RALGAPA1: variants seen among roughly 807,000 people sequenced by gnomAD.
RALGAPA1 encodes the protein Ral GTPase activating protein catalytic subunit alpha 1.
A neutral mutation model predicts 269.6 loss-of-function variants in RALGAPA1; 52 were observed. That is an observed-to-expected ratio of 0.19 (90% CI 0.15 to 0.24). RALGAPA1 has a LOEUF of 0.24. Among genes scored for constraint, RALGAPA1 ranks in the 10% least tolerant of loss-of-function variants. The probability of loss-of-function intolerance (pLI) is 1.00; values close to 1 mark genes in which losing one functional copy is unlikely to be tolerated. For missense variants in RALGAPA1, 1,917 were observed against 3,013.9 expected (o/e 0.64, Z 8.52); for synonymous variants, 817 against 1,008.3 (o/e 0.81, Z 3.60).
chr14:35,667,329 C>A (rs1050560024), intron 26 of RALGAPA1, among the ~76,000 whole-genome samples: 3 of 152,080 alleles, frequency 2.0e-5, no homozygotes, highest in African/African-American at 7.2e-5. Flanking sequence ...ACCCGGGAGG[C>A]GGAAGTTACA....
In RALGAPA1 at chr14:35,600,221, T is replaced by C. The variant is rs185354313; in HGVS notation, c.7054-4432A>G. On this transcript the variant is annotated intron_variant, in intron 36 of 41. Transcript: ENST00000680220. ...TTCTTTTCTTTTCCTTTTTTTTCTT[T>C]TTCTTTTTTTCTTTTTTTTTTTTTT... is the stretch of plus-strand genomic sequence containing the variant. 4.7e-3 allele frequency among the ~76,000 whole-genome samples: 589 copies of C among 124,096 alleles called. 2 individuals are homozygous for C. Among genetic ancestry groups the C allele is most frequent in the Non-Finnish European group, 6.8e-3 (442 of 64,914 alleles). The allele number at this position is 124,096 out of a possible 152,430, so 81.4% of individuals were successfully genotyped here.
chr14:35,628,229 T>C (rs2139629399), intron 33 of RALGAPA1, among the ~76,000 whole-genome samples: 1 of 152,262 alleles, frequency 6.6e-6, no homozygotes, highest in South Asian at 2.1e-4. Context: ...GTATTATAAA[T>C]CAATCATGAA....
At chr14:35,587,211 A>G (rs1345534829) in intron 37 of RALGAPA1, among the ~76,000 whole-genome samples, 3 of 152,144 alleles carry the variant, frequency 2.0e-5, no homozygotes, top group East Asian at 1.9e-4. Context: ...GTGTCCAGGA[A>G]TTTATCCATT....
intron 26 of RALGAPA1, among the ~76,000 whole-genome samples, chr14:35,665,020 AC>A (rs1434958070): frequency 1.3e-5 from 2 of 152,214 alleles, no homozygotes; most frequent in Non-Finnish European, 2.9e-5. Flanking sequence ...GACTGTAAAA[AC>A]AAATATACCT....
At chr14:35,751,829 A>G (rs1396366307) in intron 8 of RALGAPA1, among the ~76,000 whole-genome samples, 195 bp downstream of exon 8, 1 of 150,438 alleles carries the variant, frequency 6.6e-6, no homozygotes, top group African/African-American at 2.5e-5. Context: ...AAACAAAAAA[A>G]GAAAAACTCA....
intron 10 of RALGAPA1, among the ~76,000 whole-genome samples, chr14:35,745,861 G>T (rs1251687761): frequency 6.6e-6 from 1 of 151,732 alleles, no homozygotes; most frequent in Non-Finnish European, 1.5e-5. Context: ...GACGAGAGAG[G>T]ATGGCTTTAG....
intron 4 of RALGAPA1, among the ~76,000 whole-genome samples, chr14:35,764,902 T>C (rs754098993): frequency 6.6e-5 from 10 of 152,174 alleles, no homozygotes; most frequent in Non-Finnish European, 1.3e-4. Context: ...ATGTGTTCTT[T>C]GTATGTCTAA....
chr14:35,714,221 A>C (rs898281969), intron 16 of RALGAPA1, among the ~76,000 whole-genome samples: 1 of 152,210 alleles, frequency 6.6e-6, no homozygotes, highest in African/African-American at 2.4e-5. Context: ...TGTTTTTCAA[A>C]GTAGCCGTAC....
intron 30 of RALGAPA1, among the ~76,000 whole-genome samples, chr14:35,652,566 A>G (rs1320615820): frequency 2.6e-5 from 4 of 151,960 alleles, no homozygotes; most frequent in African/African-American, 9.7e-5. Flanking sequence ...CACCACGCCC[A>G]GCTAATTTTT....
chr14:35,655,766 C>A (rs1200146233), intron 29 of RALGAPA1, 41 bp downstream of exon 29: 2 of 1,578,188 alleles, frequency 1.3e-6, no homozygotes, highest in Admixed American at 1.9e-5. Flanking sequence ...AATATGCATT[C>A]TCTCCTATCT....
At chr14:35,683,700 T>C in intron 21 of RALGAPA1, 109 bp downstream of exon 21, 1 of 817,616 alleles carries the variant, frequency 1.2e-6, no homozygotes, top group Middle Eastern at 3.9e-4. Flanking sequence ...AATGAAAAAA[T>C]ATACTTAAAT....
rs1201089468 is a variant in RALGAPA1 at position 35,548,519 on chromosome 14, C to T, written c.*12G>A. The stretch of plus-strand genomic sequence containing the variant: ...ACACTTTGTCTTACCTTCAGATAAA[C>T]AGAACTGATATTTAATGATCTAAAG... On this transcript the variant is annotated 3_prime_UTR_variant, in exon 41 of 42. Coordinates refer to ENST00000680220, the MANE Select transcript of RALGAPA1 (RefSeq NM_001346249.2). The T allele has an allele frequency of 1.3e-6, 2 of 1,575,956 alleles. No individual in the cohort carries two copies. The highest frequency in any genetic ancestry group is 1.2e-5 in the South Asian group (1 of 86,256).
At chr14:35,613,471 C>CA (rs1392696016) in intron 35 of RALGAPA1, among the ~76,000 whole-genome samples, 13 of 152,158 alleles carry the variant, frequency 8.5e-5, no homozygotes, top group African/African-American at 3.1e-4. Flanking sequence ...TTGCTTTCAA[C>CA]AAAAAATATT....
chr14:35,625,247 G>T, intron 35 of RALGAPA1, 114 bp downstream of exon 35: 9 of 546,672 alleles, frequency 1.6e-5, no homozygotes, highest in East Asian at 9.6e-5. Context: ...TGCTCAGAAA[G>T]TTATAAATCA....
chr14:35,702,386 T>C (rs2067426674), intron 16 of RALGAPA1, among the ~76,000 whole-genome samples: 1 of 152,178 alleles, frequency 6.6e-6, no homozygotes, highest in Non-Finnish European at 1.5e-5. Context: ...GTAAAAAATA[T>C]AGAAGCATGG....
At chr14:35,583,478 A>T (rs1321944752) in intron 37 of RALGAPA1, among the ~76,000 whole-genome samples, 1 of 152,200 alleles carries the variant, frequency 6.6e-6, no homozygotes, top group Admixed American at 6.5e-5. Flanking sequence ...ACCATGAAAG[A>T]TGTAAATACA....
At chr14:35,769,106 A>G (rs2074422838) in intron 4 of RALGAPA1, among the ~76,000 whole-genome samples, 1 of 147,142 alleles carries the variant, frequency 6.8e-6, no homozygotes, top group South Asian at 2.1e-4. Context: ...GGAAAACAAG[A>G]AAATAGAAAG....
chr14:35,635,984 T>C (rs565460052), intron 31 of RALGAPA1, among the ~76,000 whole-genome samples: 21 of 152,322 alleles, frequency 1.4e-4, no homozygotes, highest in African/African-American at 5.1e-4. Flanking sequence ...CTTAACAACA[T>C]CTCACTGAAT....
chr14:35,598,764 G>C (rs2059090163), intron 36 of RALGAPA1, among the ~76,000 whole-genome samples: 2 of 152,080 alleles, frequency 1.3e-5, no homozygotes, highest in Admixed American at 1.3e-4. Context: ...TAACACATAG[G>C]TGGGTCATAT....
Sources: gnomAD v4.1 joint callset for allele counts (sites outside exome capture counted in the v4.1 genomes callset) on GRCh38, gnomAD v4.1.1 for gene constraint, MANE v1.5 for transcripts, NCBI Gene and HGNC (gene_info 2026-07-23, HGNC 2026-07-21) for gene names.